Variants in KIF1A observed in about 807,000 individuals in gnomAD.
The protein encoded by KIF1A is kinesin-like protein KIF1A.
In KIF1A, 46 loss-of-function variants were observed where a neutral mutation model predicts 227.3. The observed-to-expected ratio is 0.20, with a 90% CI of 0.16 to 0.26. KIF1A has a LOEUF of 0.26. Ranked by LOEUF, KIF1A falls within the 10% of genes least tolerant of loss-of-function variation. The pLI is 1.00. For synonymous variants in KIF1A, 1,022 were observed against 1,012.8 expected (o/e 1.01, Z -0.17); for missense variants, 1,683 against 2,485.9 (o/e 0.68, Z 6.87).
chr2:240,725,272 T>A lies in KIF1A; in HGVS notation c.4255A>T (p.Ser1419Cys), dbSNP rs1388325896. The change falls in exon 40 of 49, where the codon AGT (serine) becomes TGT (cysteine). Residue 1419 changes from serine (S) to cysteine (C), a missense_variant and splice_region_variant. Around this residue, in one of 12 missense-constraint regions of KIF1A, gnomAD observed 759 missense variants for 1,020.2 expected, o/e 0.74. Transcript: ENST00000498729. This position sits in a 1 kb window ranked among gnomAD's most constrained non-coding sequence, Gnocchi z 5.8. The part of the protein sequence containing the change: ...FGSGSLRASE[S>C]NRVTGVYELS... ...TGGTCCTCACCCCTGGGAGCTTACC[T>A]CTCTGAGGCCCGAAGGCTCCCACTG... The A allele has an allele frequency of 1.3e-6, 2 of 1,599,230 alleles. No individual in the cohort carries two copies. Among genetic ancestry groups the A allele is most frequent in the Non-Finnish European group, 1.7e-6 (2 of 1,173,682 alleles).
chr2:240,757,662 G>A lies in KIF1A; in HGVS notation c.2583-68C>T. The stretch of plus-strand genomic sequence containing the variant: ...ACTCGCAGGGACGAACAGGGGCCGG[G>A]GCCGGGGCTGGGGGGCTTCTGTTTA... On this transcript the variant is annotated intron_variant, in intron 26 of 48. Transcript: ENST00000498729. The surrounding 1 kb of genome is among the most constrained non-coding windows in gnomAD (Gnocchi z 6.2). The A allele has an allele frequency of 4.7e-6, 7 of 1,504,178 alleles. No individual in the cohort carries two copies. Among genetic ancestry groups the A allele is most frequent in the Non-Finnish European group, 6.3e-6 (7 of 1,118,432 alleles). The allele number at this position is 1,504,178 out of a possible 1,614,324, so 93.2% of individuals were successfully genotyped here. A position where few individuals can be genotyped will look rare whatever the true frequency, so the allele number is the denominator to read the frequency against.
chr2:240,747,432 G>A lies in KIF1A; in HGVS notation c.2978-111C>T, dbSNP rs990636839. On this transcript the variant is annotated intron_variant, in intron 28 of 48. Coordinates refer to ENST00000498729, the MANE Select transcript of KIF1A (RefSeq NM_001244008.2). ...TCAAAGTGAGGGCACAGGAGCCAGAGCAGGCAGCAGACCCCTGACCGAATC... is the reference window on the plus strand; with the variant it reads ...TCAAAGTGAGGGCACAGGAGCCAGAACAGGCAGCAGACCCCTGACCGAATC... 2.2e-5 allele frequency: 16 copies of A among 742,056 alleles called. No individual in the cohort carries two copies. The African/African-American group carries it at 2.3e-4, about 11-fold the overall frequency. 46.0% of individuals were successfully genotyped at this position (742,056 alleles called of 1,614,324 possible).
chr2:240,785,773 G>A (rs926908306), intron 6 of KIF1A, among the ~76,000 whole-genome samples: 5 of 152,218 alleles, frequency 3.3e-5, no homozygotes, highest in African/African-American at 7.2e-5. Flanking sequence ...AAGGGGTGCA[G>A]GATGGCGCAG....
At chr2:240,771,625 G>A (rs1485375919) in intron 14 of KIF1A, among the ~76,000 whole-genome samples, 1 of 152,122 alleles carries the variant, frequency 6.6e-6, no homozygotes, top group Non-Finnish European at 1.5e-5. Flanking sequence ...AGCGCCCCGT[G>A]CAGACCCCCA....
At chr2:240,808,583 G>C (rs1294279312) in intron 1 of KIF1A, among the ~76,000 whole-genome samples, 2 of 151,918 alleles carry the variant, frequency 1.3e-5, no homozygotes, top group Admixed American at 6.6e-5. Context: ...GAGGTAGGAG[G>C]ATCACTTGAG....
rs541214538 is a variant in KIF1A, at chr2:240,765,260, A to G, written c.1768+450T>C. Among the ~76,000 whole-genome samples, 10 of 152,346 alleles carry G rather than the reference A, an allele frequency of 6.6e-5. No individual in the cohort carries two copies. In the East Asian group the frequency reaches 1.7e-3, roughly 26 times the overall value. On this transcript the variant is annotated intron_variant, in intron 20 of 48. Transcript: ENST00000498729. ...ATCACAGACACTGCAGTGTCTGGGA[A>G]CAGAGCCCAACCCCACCCGGGGTGC...
At chr2:240,815,335 G>A (rs545341542) in intron 1 of KIF1A, among the ~76,000 whole-genome samples, 1 of 152,314 alleles carries the variant, frequency 6.6e-6, no homozygotes, top group East Asian at 1.9e-4. Context: ...GCAGGGCTGA[G>A]GTGGGGGCAG....
At position 240,778,841 on chromosome 2, in the gene KIF1A, CTTCCTCACACG is replaced by C. The variant is rs995829953; in HGVS notation, c.883-2926_883-2916del. On this transcript the variant is annotated intron_variant, in intron 10 of 48. Coordinates refer to ENST00000498729, the MANE Select transcript of KIF1A (RefSeq NM_001244008.2). The surrounding 1 kb of genome is among the most constrained non-coding windows in gnomAD (Gnocchi z 7.2). ...AGCTCCTCCCGCCATGGCTCACACA[CTTCCTCACACG>C]TTCCTCACACAACCCTTCACGCCAT... 1.3e-5 allele frequency among the ~76,000 whole-genome samples: 2 copies of C among 152,058 alleles called. No individual in the cohort carries two copies. The highest frequency in any genetic ancestry group is 2.9e-5 in the Non-Finnish European group (2 of 68,010).
intron 17 of KIF1A, among the ~76,000 whole-genome samples, chr2:240,768,016 G>A (rs2051424521): frequency 6.6e-6 from 1 of 152,240 alleles, no homozygotes; most frequent in African/African-American, 2.4e-5. Context: ...TGGGGAAGAT[G>A]TCCAGCCAGG....
intron 14 of KIF1A, chr2:240,771,347 G>A: frequency 5.1e-6 from 3 of 583,088 alleles, no homozygotes; most frequent in Non-Finnish European, 9.2e-6. Flanking sequence ...AGGCCTTCCT[G>A]CCACCCCTTG....
At chr2:240,734,914 G>C (rs557846541) in intron 38 of KIF1A, among the ~76,000 whole-genome samples, 1 of 152,146 alleles carries the variant, frequency 6.6e-6, no homozygotes, top group African/African-American at 2.4e-5. Flanking sequence ...ATGGAAAAGC[G>C]CATGGAAGGC....
chr2:240,757,221 G>GC lies in KIF1A; in HGVS notation c.2858+97dup, dbSNP rs1422072232. 1 of 1,264,216 alleles carries GC rather than the reference G, an allele frequency of 7.9e-7. No homozygotes were observed. The highest frequency in any genetic ancestry group is 1.5e-5 in the African/African-American group (1 of 67,500). The allele number at this position is 1,264,216 out of a possible 1,614,324, so 78.3% of individuals were successfully genotyped here. ...CACCTGCCTCGCCTGCCCTGGGAGG[G>GC]CCCGGGCCAGGCCCCAGCGGTTCCT... On this transcript the variant is annotated intron_variant, in intron 27 of 48. Transcript: ENST00000498729. The surrounding 1 kb of genome is among the most constrained non-coding windows in gnomAD (Gnocchi z 6.2).
chr2:240,736,998 T>C lies in KIF1A; in HGVS notation c.4007+65A>G. The stretch of plus-strand genomic sequence containing the variant: ...TGTGTGGCTGAACCCTGTGCCGGGT[T>C]GGCTGAGGGCCTGGCAGGCTGGGAA... On this transcript the variant is annotated intron_variant, in intron 38 of 48. Transcript: ENST00000498729. The surrounding 1 kb of genome is among the most constrained non-coding windows in gnomAD (Gnocchi z 4.7). 7.5e-7 allele frequency: 1 copy of C among 1,334,526 alleles called. No individual in the cohort carries two copies. Among genetic ancestry groups the C allele is most frequent in the Non-Finnish European group, 1.1e-6 (1 of 928,684 alleles). 82.7% of individuals were successfully genotyped at this position (1,334,526 alleles called of 1,614,324 possible).
At chr2:240,743,071 G>T in intron 33 of KIF1A, 87 bp from the exon 34 acceptor site, 2 of 1,004,644 alleles carry the variant, frequency 2.0e-6, no homozygotes, top group Non-Finnish European at 1.4e-6. Flanking sequence ...GGCCCCAGGT[G>T]CCCATCCCGG....
rs1196024009 is a variant in KIF1A, at chr2:240,757,515, G to A, written c.2662C>T (p.Pro888Ser). The A allele has an allele frequency of 3.9e-6, 6 of 1,550,590 alleles. No individual in the cohort carries two copies. Among genetic ancestry groups the A allele is most frequent in the Admixed American group, 2.0e-5 (1 of 51,006 alleles). The change falls in exon 27 of 49, where the codon CCC becomes TCC. Residue 888 changes from proline to serine, a missense_variant. By Grantham distance (74) the Pro-to-Ser change is moderately conservative (BLOSUM62 -1). Around this residue, in one of 12 missense-constraint regions of KIF1A, gnomAD observed 759 missense variants for 1,020.2 expected, o/e 0.74. Transcript: ENST00000498729. The surrounding 1 kb of genome is among the most constrained non-coding windows in gnomAD (Gnocchi z 6.2). ...SERMAALTPS[P>S]TFSSPDSDAT... Reference sequence around the variant, plus strand: ...TCGGAGTCGGGGCTCGAGAAGGTGGGGGAGGGGGTGAGAGCAGCCATGCGC... The same window carrying A: ...TCGGAGTCGGGGCTCGAGAAGGTGGAGGAGGGGGTGAGAGCAGCCATGCGC...
At chr2:240,772,477 G>C in intron 14 of KIF1A, 93 bp downstream of exon 14, 1 of 1,082,542 alleles carries the variant, frequency 9.2e-7, no homozygotes, top group Non-Finnish European at 1.4e-6. Flanking sequence ...CAGGTACCCT[G>C]GGGTTCACCC....
In KIF1A at chr2:240,778,476, GCT is replaced by G. The variant is rs1241251612; in HGVS notation, c.883-2552_883-2551del. ...CTCACACGATCCTCCATTTCTCAGA[GCT>G]CTCAGCAGGCGCTCGCAGCTCCCGC... On this transcript the variant is annotated intron_variant, in intron 10 of 48. Coordinates refer to ENST00000498729, the MANE Select transcript of KIF1A (RefSeq NM_001244008.2). The surrounding 1 kb of genome is among the most constrained non-coding windows in gnomAD (Gnocchi z 7.2). Among the ~76,000 whole-genome samples, 1 of 144,968 alleles carries G rather than the reference GCT, an allele frequency of 6.9e-6. No individual in the cohort carries two copies. Among genetic ancestry groups the G allele is most frequent in the Non-Finnish European group, 1.5e-5 (1 of 66,578 alleles).
intron 33 of KIF1A, among the ~76,000 whole-genome samples, chr2:240,743,648 C>T (rs1168758258): frequency 6.6e-6 from 1 of 152,186 alleles, no homozygotes; most frequent in Non-Finnish European, 1.5e-5. Context: ...TCCCCGGGGC[C>T]ACCCCAGCAT....
rs201408083 is a variant in KIF1A at position 240,775,931 on chromosome 2, G to A, written c.883-5C>T. Reference sequence around the variant, plus strand: ...TGTCTTCTTCTTTTTCTTGTTCTGTGGGGGAGGAACATTCAAGGTCAAGCC... The same window carrying A: ...TGTCTTCTTCTTTTTCTTGTTCTGTAGGGGAGGAACATTCAAGGTCAAGCC... On this transcript the variant is annotated splice_region_variant and splice_polypyrimidine_tract_variant and intron_variant, in intron 10 of 48. Transcript: ENST00000498729. This position sits in a 1 kb window ranked among gnomAD's most constrained non-coding sequence, Gnocchi z 5.5. 1.9e-6 allele frequency: 3 copies of A among 1,599,804 alleles called. No individual in the cohort carries two copies. Among genetic ancestry groups the A allele is most frequent in the East Asian group, 2.2e-5 (1 of 44,832 alleles).
Sources: gnomAD v4.1 joint callset for allele counts (sites outside exome capture counted in the v4.1 genomes callset) on GRCh38, gnomAD v4.1.1 for gene constraint, gnomAD v4.1.1 regional missense constraint, Gnocchi (gnomAD v3.1) non-coding constraint, MANE v1.5 for transcripts, NCBI Gene and HGNC (gene_info 2026-07-23, HGNC 2026-07-21) for gene names.